Variants in KHDRBS2 observed in about 807,000 individuals in gnomAD.
KHDRBS2 encodes KH RNA binding domain containing, signal transduction associated 2.
Under a neutral mutation model 44.3 loss-of-function variants are expected in KHDRBS2, and 26 were observed. The ratio of observed to expected loss-of-function variants is 0.59; its 90% CI spans 0.43 to 0.81. KHDRBS2 has a LOEUF of 0.81. Ranked by LOEUF, KHDRBS2 falls within the 40% of genes least tolerant of loss-of-function variation. The probability of loss-of-function intolerance (pLI) is 0.00; values close to 1 mark genes in which losing one functional copy is unlikely to be tolerated. For synonymous variants in KHDRBS2, 194 were observed against 151.1 expected (o/e 1.28, Z -2.08); for missense variants, 476 against 433.1 (o/e 1.10, Z -0.88).
intron 6 of KHDRBS2, among the ~76,000 whole-genome samples, chr6:61,743,771 T>TA (rs1776477543): frequency 8.0e-6 from 1 of 125,072 alleles, no homozygotes; most frequent in East Asian, 2.3e-4. Flanking sequence ...CTTAATGCTA[T>TA]CCCCCCCCTC....
At chr6:62,263,504 G>A (rs1838704416) in intron 1 of KHDRBS2, among the ~76,000 whole-genome samples, 2 of 151,532 alleles carry the variant, frequency 1.3e-5, no homozygotes, top group Admixed American at 1.3e-4. Flanking sequence ...TTTTTGTTTA[G>A]CAGAGTGATA....
intron 6 of KHDRBS2, among the ~76,000 whole-genome samples, chr6:61,771,789 G>A (rs1353910911): frequency 1.3e-5 from 2 of 152,192 alleles, no homozygotes; most frequent in African/African-American, 2.4e-5. Flanking sequence ...GGAACAGAAA[G>A]TTAACAAGGA....
chr6:62,069,746 T>C (rs944809158), intron 2 of KHDRBS2, among the ~76,000 whole-genome samples: 3 of 151,812 alleles, frequency 2.0e-5, no homozygotes, highest in Non-Finnish European at 2.9e-5. Flanking sequence ...ATTATTACAA[T>C]AGGATAGTTT....
At chr6:62,064,269 G>C (rs907226670) in intron 2 of KHDRBS2, among the ~76,000 whole-genome samples, 5 of 148,528 alleles carry the variant, frequency 3.4e-5, no homozygotes, top group Admixed American at 1.4e-4. Flanking sequence ...TCACAGAATT[G>C]GAAAAAACTA....
At chr6:62,041,203 C>T (rs1319443010) in intron 3 of KHDRBS2, among the ~76,000 whole-genome samples, 3 of 151,912 alleles carry the variant, frequency 2.0e-5, no homozygotes, top group South Asian at 2.1e-4. Flanking sequence ...TGGTGGCGGG[C>T]GCCTGTAATC....
Position 61,680,678 on chromosome 6 carries a change from C to A in KHDRBS2, c.*285G>T. 4 of 210,184 alleles carry A rather than the reference C, an allele frequency of 1.9e-5. No individual in the cohort carries two copies. Among genetic ancestry groups the A allele is most frequent in the Non-Finnish European group, 2.8e-5 (3 of 106,752 alleles). The allele number at this position is 210,184 out of a possible 1,614,324, so 13.0% of individuals were successfully genotyped here. Reference sequence around the variant, plus strand: ...AGAAAAAGAAAAAAAAAAGATTACACACAACAATGAAAAACAACCAAGAGA... The same window carrying A: ...AGAAAAAGAAAAAAAAAAGATTACAAACAACAATGAAAAACAACCAAGAGA... On this transcript the variant is annotated 3_prime_UTR_variant, in exon 9 of 9. Transcript: ENST00000281156.
chr6:62,240,678 A>G (rs201558913), intron 1 of KHDRBS2, among the ~76,000 whole-genome samples: 7,972 of 81,518 alleles, frequency 0.098, 238 homozygotes, highest in East Asian at 0.22. Context: ...GTGTGTATAT[A>G]TATATATATA....
intron 6 of KHDRBS2, among the ~76,000 whole-genome samples, chr6:61,806,637 TTTCCCAA>T: frequency 4.6e-5 from 1 of 21,620 alleles, no homozygotes; most frequent in Non-Finnish European, 8.2e-5. Flanking sequence ...ACGGGTCTGA[TTTCCCAA>T]ATTTCCCAAA....
chr6:62,037,629 C>T (rs890767038), intron 3 of KHDRBS2, among the ~76,000 whole-genome samples: 2 of 151,944 alleles, frequency 1.3e-5, no homozygotes, highest in African/African-American at 4.8e-5. Flanking sequence ...GAAATGTAAA[C>T]ATCACAGCTT....
the KHDRBS2 span, among the ~76,000 whole-genome samples, chr6:61,639,195 G>GA: frequency 5.9e-5 from 9 of 152,052 alleles, no homozygotes; most frequent in African/African-American, 2.2e-4. Flanking sequence ...CCCATATATG[G>GA]AAAAATGAAT....
the KHDRBS2 span, among the ~76,000 whole-genome samples, chr6:61,572,247 C>T: frequency 6.6e-6 from 1 of 151,872 alleles, no homozygotes; most frequent in African/African-American, 2.4e-5. Flanking sequence ...TGGAAATATC[C>T]AACTCTCCTA....
chr6:61,614,463 A>C, the KHDRBS2 span, among the ~76,000 whole-genome samples: 1 of 152,300 alleles, frequency 6.6e-6, no homozygotes, highest in African/African-American at 2.4e-5. Context: ...AAAATAATAT[A>C]ATTTTATCTT....
At chr6:62,164,532 A>AC (rs528994014) in intron 2 of KHDRBS2, among the ~76,000 whole-genome samples, 2 of 151,552 alleles carry the variant, frequency 1.3e-5, no homozygotes, top group Admixed American at 1.3e-4. Context: ...TAAAAAGGGA[A>AC]CCCCCTTTTA....
rs569070611 is a variant in KHDRBS2 at position 62,062,344 on chromosome 6, C to T, written c.220-14350G>A. Reference sequence around the variant, plus strand: ...ATATACATTTTTTTCAGCACCACACCACACCTATTCCAAAATTGACCACAT... The same window carrying T: ...ATATACATTTTTTTCAGCACCACACTACACCTATTCCAAAATTGACCACAT... On this transcript the variant is annotated intron_variant, in intron 2 of 8. Transcript: ENST00000281156. Among the ~76,000 whole-genome samples, 189 of 141,066 alleles carry T rather than the reference C, an allele frequency of 1.3e-3. 2 individuals are homozygous for T. The highest frequency in any genetic ancestry group is 4.9e-3 in the African/African-American group (186 of 38,132). The allele number at this position is 141,066 out of a possible 152,430, so 92.5% of individuals were successfully genotyped here.
chr6:61,688,949 A>G (rs742781), intron 8 of KHDRBS2, among the ~76,000 whole-genome samples: 54,848 of 151,552 alleles, frequency 0.36, 10,562 homozygotes, highest in East Asian at 0.48. Context: ...CAAGATGGCA[A>G]TGGTCATGCC....
chr6:61,834,648 G>C (rs1792364626), intron 6 of KHDRBS2, among the ~76,000 whole-genome samples: 1 of 151,916 alleles, frequency 6.6e-6, no homozygotes, highest in Admixed American at 6.6e-5. Context: ...ATAGAGACTT[G>C]GTTACCTTCT....
intron 4 of KHDRBS2, among the ~76,000 whole-genome samples, chr6:61,933,681 C>T (rs906677391): frequency 6.6e-6 from 1 of 152,080 alleles, no homozygotes. Context: ...GCAACTGCAA[C>T]ACAATGGTAA....
chr6:61,651,990 C>T, the KHDRBS2 span, among the ~76,000 whole-genome samples: 5 of 152,160 alleles, frequency 3.3e-5, no homozygotes, highest in East Asian at 5.8e-4. Flanking sequence ...TCTTTACTTC[C>T]CCTTTCCCTT....
At chr6:61,703,454 T>C (rs1044711798) in intron 7 of KHDRBS2, among the ~76,000 whole-genome samples, 4 of 151,860 alleles carry the variant, frequency 2.6e-5, no homozygotes, top group African/African-American at 9.7e-5. Context: ...ATTTTTAGCA[T>C]TTAAGGGGGT....
Sources: allele counts gnomAD v4.1 joint callset (sites outside exome capture counted in the v4.1 genomes callset), GRCh38; gene constraint gnomAD v4.1.1; transcripts MANE v1.5; gene names NCBI Gene and HGNC (gene_info 2026-07-23, HGNC 2026-07-21).